MAGI2: variants seen among roughly 807,000 people sequenced by gnomAD.
MAGI2 encodes membrane associated guanylate kinase, WW and PDZ domain containing 2.
MAGI2 carries 35 observed loss-of-function variants against 133.3 expected under a neutral mutation model. The observed-to-expected ratio is 0.26, with a 90% CI of 0.20 to 0.35. The LOEUF (loss-of-function observed/expected upper bound fraction) is 0.35, where lower values mean the gene tolerates loss of function less well. MAGI2 is among the 10% of genes least tolerant of loss of function. MAGI2 has a pLI of 1.00. For missense variants in MAGI2, 1,636 were observed against 1,863.4 expected (o/e 0.88, Z 2.25); for synonymous variants, 729 against 710.6 (o/e 1.03, Z -0.41).
chr7:78,915,941 T>C (rs1798759345), intron 2 of MAGI2, among the ~76,000 whole-genome samples: 1 of 152,016 alleles, frequency 6.6e-6, no homozygotes, highest in Non-Finnish European at 1.5e-5. Flanking sequence ...TGTGGATATC[T>C]GGGGAAGGAG....
chr7:78,336,783 AGAAAGAAG>A (rs1279055224), intron 9 of MAGI2, among the ~76,000 whole-genome samples: 15 of 92,188 alleles, frequency 1.6e-4, no homozygotes, highest in Non-Finnish European at 3.7e-4. Context: ...GAAGAAGAAA[AGAAAGAAG>A]AAAAAAAGAA....
chr7:78,337,027 G>T (rs1789843076), intron 9 of MAGI2, among the ~76,000 whole-genome samples: 1 of 152,060 alleles, frequency 6.6e-6, no homozygotes, highest in Admixed American at 6.6e-5. Context: ...TCAAAAATTA[G>T]CCTAGGGAAA....
intron 10 of MAGI2, among the ~76,000 whole-genome samples, chr7:78,236,331 A>G (rs553907711): frequency 6.6e-6 from 1 of 152,326 alleles, no homozygotes; most frequent in African/African-American, 2.4e-5. Context: ...GACAGTCAGT[A>G]GAAAAATAGT....
chr7:78,909,557 C>T (rs1285612601), intron 2 of MAGI2, among the ~76,000 whole-genome samples: 1 of 136,784 alleles, frequency 7.3e-6, no homozygotes. Flanking sequence ...GAGCCGACAT[C>T]ATGCCACTGC....
intron 1 of MAGI2, among the ~76,000 whole-genome samples, chr7:79,249,953 G>T (rs772696999): frequency 2.2e-4 from 34 of 152,020 alleles, no homozygotes; most frequent in Non-Finnish European, 4.6e-4. Context: ...ATCATTTATC[G>T]TGACCAAACA....
chr7:79,333,571 C>T (rs1840234309), intron 1 of MAGI2, among the ~76,000 whole-genome samples: 1 of 152,130 alleles, frequency 6.6e-6, no homozygotes, highest in Non-Finnish European at 1.5e-5. Context: ...TAAGCAGTTG[C>T]TAAATAAGGG....
intron 1 of MAGI2, among the ~76,000 whole-genome samples, chr7:79,246,223 A>G (rs1228866724): frequency 1.3e-5 from 2 of 152,114 alleles, no homozygotes; most frequent in African/African-American, 2.4e-5. Context: ...TAAATGCCCA[A>G]CTCTTCAATG....
intron 1 of MAGI2, among the ~76,000 whole-genome samples, chr7:79,283,288 A>C (rs1485218456): frequency 6.6e-6 from 1 of 152,100 alleles, no homozygotes; most frequent in Non-Finnish European, 1.5e-5. Flanking sequence ...AAACATTGAC[A>C]TTTTTTAAAA....
At position 79,361,803 on chromosome 7, in the gene MAGI2, A is replaced by C. The variant is rs373496022; in HGVS notation, c.301+91217T>G. Among the ~76,000 whole-genome samples, 3 of 152,320 alleles carry C rather than the reference A, an allele frequency of 2.0e-5. No homozygotes were observed. The East Asian group carries it at 5.8e-4, about 29-fold the overall frequency. On this transcript the variant is annotated intron_variant, in intron 1 of 21. Transcript: ENST00000354212. ...ACAGAAGAACAAAGGAAAATCTCTA[A>C]ATACATGGAAATAAACAATACACCT...
chr7:78,913,950 A>G (rs1798600907), intron 2 of MAGI2, among the ~76,000 whole-genome samples: 1 of 152,180 alleles, frequency 6.6e-6, no homozygotes, highest in Non-Finnish European at 1.5e-5. Flanking sequence ...TCTGAGGGAG[A>G]AGCCTGCTAC....
chr7:78,503,030 C>T (rs1794757363), intron 4 of MAGI2, among the ~76,000 whole-genome samples: 1 of 152,022 alleles, frequency 6.6e-6, no homozygotes, highest in African/African-American at 2.4e-5. Context: ...TTAGCAGCTT[C>T]CATACTGAAC....
intron 21 of MAGI2, among the ~76,000 whole-genome samples, chr7:78,020,293 C>T (rs908251224): frequency 6.6e-6 from 1 of 152,204 alleles, no homozygotes; most frequent in Non-Finnish European, 1.5e-5. Flanking sequence ...GCCTGATAGT[C>T]CTGTATAGAC....
At chr7:79,422,677 C>G (rs1385485536) in intron 1 of MAGI2, among the ~76,000 whole-genome samples, 5 of 151,582 alleles carry the variant, frequency 3.3e-5, no homozygotes, top group Non-Finnish European at 7.4e-5. Context: ...GTTTGTTTTT[C>G]ACTTGCTTGA....
chr7:78,210,647 A>C (rs1311107309), intron 10 of MAGI2, among the ~76,000 whole-genome samples: 1 of 152,216 alleles, frequency 6.6e-6, no homozygotes, highest in Non-Finnish European at 1.5e-5. Flanking sequence ...TGTGGTGCTC[A>C]GAGATATGTG....
chr7:79,178,419 CAT>C, intron 1 of MAGI2, among the ~76,000 whole-genome samples: 5 of 151,946 alleles, frequency 3.3e-5, no homozygotes, highest in Admixed American at 3.3e-4. Context: ...TAAATGTAAA[CAT>C]ATTAATATTA....
intron 4 of MAGI2, 150 bp from the exon 5 acceptor site, chr7:78,501,937 G>A (rs991502534): frequency 1.3e-5 from 8 of 615,004 alleles, no homozygotes; most frequent in Admixed American, 1.1e-4. Flanking sequence ...ATGATCACTA[G>A]GCCTATTTGA....
chr7:78,446,093 A>AT (rs74978868), intron 6 of MAGI2, among the ~76,000 whole-genome samples: 3 of 150,018 alleles, frequency 2.0e-5, no homozygotes, highest in Non-Finnish European at 4.4e-5. Flanking sequence ...CTTTTTAAAG[A>AT]TTTTTTTTTA....
At chr7:79,347,171 T>G (rs1483226068) in intron 1 of MAGI2, among the ~76,000 whole-genome samples, 1 of 152,022 alleles carries the variant, frequency 6.6e-6, no homozygotes, top group Non-Finnish European at 1.5e-5. Context: ...GTTCCATAAA[T>G]ATTTGTTGGT....
intron 3 of MAGI2, among the ~76,000 whole-genome samples, chr7:78,572,781 G>C (rs962902360): frequency 1.1e-4 from 16 of 151,736 alleles, no homozygotes; most frequent in African/African-American, 3.6e-4. Flanking sequence ...TCCTGCCTTA[G>C]CCACCCAAGT....
Sources: gnomAD v4.1 joint callset for allele counts (sites outside exome capture counted in the v4.1 genomes callset) on GRCh38, gnomAD v4.1.1 for gene constraint, MANE v1.5 for transcripts, NCBI Gene and HGNC (gene_info 2026-07-23, HGNC 2026-07-21) for gene names.